Variants in CCSER1 observed in about 807,000 individuals in gnomAD.
CCSER1 encodes the protein coiled-coil serine rich protein 1, also known as serine-rich coiled-coil domain-containing protein 1.
A neutral mutation model predicts 82.0 loss-of-function variants in CCSER1; 41 were observed. The observed-to-expected ratio is 0.50, with a 90% CI of 0.39 to 0.65. The LOEUF is 0.65. Ranked by LOEUF, CCSER1 falls within the 30% of genes least tolerant of loss-of-function variation. The pLI, the probability that CCSER1 is intolerant of heterozygous loss-of-function variation, is 0.00. For missense variants in CCSER1, 1,119 were observed against 1,064.2 expected, an observed-to-expected ratio of 1.05 and a Z score of -0.72; for synonymous variants, 414 against 383.9, an observed-to-expected ratio of 1.08 and a Z score of -0.92.
At chr4:90,928,294 A>C (rs950511590) in intron 9 of CCSER1, among the ~76,000 whole-genome samples, 2 of 152,048 alleles carry the variant, frequency 1.3e-5, no homozygotes, top group Non-Finnish European at 2.9e-5. Flanking sequence ...TAAAAACATG[A>C]TTATCTGCCA....
At chr4:91,106,417 G>C (rs748146226) in intron 10 of CCSER1, among the ~76,000 whole-genome samples, 9 of 152,124 alleles carry the variant, frequency 5.9e-5, no homozygotes, top group Non-Finnish European at 1.2e-4. Context: ...GAAATTAATA[G>C]ACATACCACA....
chr4:90,388,058 G>A (rs1377344368), intron 3 of CCSER1, among the ~76,000 whole-genome samples: 4 of 152,214 alleles, frequency 2.6e-5, no homozygotes, highest in African/African-American at 7.2e-5. Flanking sequence ...AGAAGATGTT[G>A]GTTGTCTTAT....
At chr4:90,990,163 CA>C (rs1157729646) in intron 9 of CCSER1, among the ~76,000 whole-genome samples, 17 of 151,900 alleles carry the variant, frequency 1.1e-4, no homozygotes, top group Non-Finnish European at 1.8e-4. Context: ...CAATATAGTT[CA>C]AAGAGTGCTT....
chr4:90,402,152 A>T (rs1752958301), intron 4 of CCSER1, among the ~76,000 whole-genome samples: 1 of 152,214 alleles, frequency 6.6e-6, no homozygotes, highest in Non-Finnish European at 1.5e-5. Flanking sequence ...CAAATATAGG[A>T]TTTGGAGATT....
chr4:90,879,512 A>C (rs145380544), intron 8 of CCSER1, among the ~76,000 whole-genome samples: 1 of 129,066 alleles, frequency 7.7e-6, no homozygotes, highest in African/African-American at 3.6e-5. Flanking sequence ...AAGAAGAAGA[A>C]GAAGAGGAAG....
At chr4:91,324,482 T>C (rs531124055) in intron 10 of CCSER1, among the ~76,000 whole-genome samples, 1 of 152,272 alleles carries the variant, frequency 6.6e-6, no homozygotes, top group Admixed American at 6.5e-5. Flanking sequence ...AATTTAAATT[T>C]CTAAAGAAGT....
At chr4:90,967,553 C>G (rs932558079) in intron 9 of CCSER1, among the ~76,000 whole-genome samples, 9 of 151,910 alleles carry the variant, frequency 5.9e-5, no homozygotes, top group Non-Finnish European at 1.3e-4. Flanking sequence ...ACAAAAATAA[C>G]TTAAACTGGA....
At chr4:91,224,530 C>T (rs570721803) in intron 10 of CCSER1, among the ~76,000 whole-genome samples, 7 of 152,116 alleles carry the variant, frequency 4.6e-5, no homozygotes, top group African/African-American at 1.2e-4. Flanking sequence ...AATATGACTA[C>T]GTGACTAACT....
At position 90,757,718 on chromosome 4, in the gene CCSER1, A is replaced by G. The variant is rs78140599; in HGVS notation, c.2010+33727A>G. On this transcript the variant is annotated intron_variant, in intron 7 of 10. Coordinates refer to ENST00000509176, the MANE Select transcript of CCSER1 (RefSeq NM_001145065.2). ...GCAAGGTAGAATCCAGGAACAAACAAGAGACTAGCTGCTGGTGCTTCAAAC... is the reference window on the plus strand; with the variant it reads ...GCAAGGTAGAATCCAGGAACAAACAGGAGACTAGCTGCTGGTGCTTCAAAC... Among the ~76,000 whole-genome samples the G allele has an allele frequency of 4.7e-4, 72 of 152,308 alleles. 1 individual carries two copies. The East Asian group carries it at 0.011, about 24-fold the overall frequency.
chr4:90,456,129 T>C (rs961630902), intron 4 of CCSER1, among the ~76,000 whole-genome samples: 2 of 152,128 alleles, frequency 1.3e-5, no homozygotes, highest in Admixed American at 6.5e-5. Flanking sequence ...GGACCTGGCC[T>C]AACAAGATGC....
At chr4:91,448,021 T>G (rs1296242543) in intron 10 of CCSER1, among the ~76,000 whole-genome samples, 1 of 152,134 alleles carries the variant, frequency 6.6e-6, no homozygotes, top group Non-Finnish European at 1.5e-5. Flanking sequence ...TTGAGTAATG[T>G]AATTTAGCAA....
chr4:91,592,874 A>T (rs1177629540), intron 10 of CCSER1, among the ~76,000 whole-genome samples: 1 of 152,148 alleles, frequency 6.6e-6, no homozygotes, highest in Non-Finnish European at 1.5e-5. Context: ...TATATTTTAA[A>T]GTCAATGAAA....
intron 5 of CCSER1, among the ~76,000 whole-genome samples, chr4:90,569,903 C>A (rs1779903466): frequency 6.6e-6 from 1 of 152,188 alleles, no homozygotes; most frequent in African/African-American, 2.4e-5. Context: ...GCCTACAGCA[C>A]AGATTCCACC....
At chr4:90,826,389 C>G (rs1244875686) in intron 8 of CCSER1, among the ~76,000 whole-genome samples, 1 of 152,040 alleles carries the variant, frequency 6.6e-6, no homozygotes, top group East Asian at 1.9e-4. Flanking sequence ...TCAGTCTGAG[C>G]CGGGGACTTT....
chr4:91,547,622 T>C (rs1761955879), intron 10 of CCSER1, among the ~76,000 whole-genome samples: 1 of 152,212 alleles, frequency 6.6e-6, no homozygotes, highest in Non-Finnish European at 1.5e-5. Context: ...TATTTTATGA[T>C]CCATTCTGAC....
At chr4:90,648,563 T>C (rs1371578349) in intron 6 of CCSER1, among the ~76,000 whole-genome samples, 1 of 57,552 alleles carries the variant, frequency 1.7e-5, no homozygotes, top group Non-Finnish European at 4.5e-5. Context: ...TAAGGTTAAA[T>C]GAGGTTATAA....
chr4:90,284,736 GC>G (rs1168594337), intron 1 of CCSER1, among the ~76,000 whole-genome samples: 3 of 151,790 alleles, frequency 2.0e-5, no homozygotes, highest in Non-Finnish European at 2.9e-5. Flanking sequence ...CAAGCAATCT[GC>G]CCACCTTGGC....
chr4:90,652,178 A>G (rs1445720425), intron 6 of CCSER1, among the ~76,000 whole-genome samples: 3 of 152,192 alleles, frequency 2.0e-5, no homozygotes, highest in Non-Finnish European at 2.9e-5. Context: ...AAATTTTAAA[A>G]TTGTAGGTGT....
chr4:91,340,882 G>A (rs1212737067), intron 10 of CCSER1, among the ~76,000 whole-genome samples: 1 of 152,094 alleles, frequency 6.6e-6, no homozygotes, highest in African/African-American at 2.4e-5. Context: ...AAGTATCTCT[G>A]CCTGGCTTTA....
Sources: allele counts gnomAD v4.1 joint callset (sites outside exome capture counted in the v4.1 genomes callset), GRCh38; gene constraint gnomAD v4.1.1; transcripts MANE v1.5; gene names NCBI Gene and HGNC (gene_info 2026-07-23, HGNC 2026-07-21).